SOCS4: variants seen among roughly 807,000 people sequenced by gnomAD.
SOCS4 encodes the protein SH2 domain containing SOCS box protein.
Under a neutral mutation model 34.1 loss-of-function variants are expected in SOCS4, and 20 were observed. The observed-to-expected ratio is 0.59, with a 90% confidence interval of 0.41 to 0.85. The LOEUF (loss-of-function observed/expected upper bound fraction) is 0.85, where lower values mean the gene tolerates loss of function less well. SOCS4 is among the 40% of genes least tolerant of loss of function. The pLI, the probability that SOCS4 is intolerant of heterozygous loss-of-function variation, is 0.00. For missense variants in SOCS4, 479 were observed against 532.4 expected (o/e 0.90, Z 0.99); for synonymous variants, 180 against 186.4 (o/e 0.97, Z 0.28).
intron 1 of SOCS4, among the ~76,000 whole-genome samples, chr14:55,029,324 A>G (rs1180807676): frequency 2.0e-5 from 3 of 152,206 alleles, no homozygotes; most frequent in African/African-American, 7.2e-5. Context: ...AAAATTTTCC[A>G]AATGTAGTTA....
At chr14:55,038,247 A>G (rs558343783) in intron 2 of SOCS4, among the ~76,000 whole-genome samples, 1 of 152,316 alleles carries the variant, frequency 6.6e-6, no homozygotes, top group East Asian at 1.9e-4. Context: ...CCCTTGACAC[A>G]TAGGGATTAT....
rs1455662656 is a variant in SOCS4 at position 55,046,174 on chromosome 14, ATTTACCT to A, written c.*1816_*1822del. On this transcript the variant is annotated 3_prime_UTR_variant, in exon 3 of 3. Transcript: ENST00000555846. ...GATAAATATCTCTTCTAAAGACGAT[ATTTACCT>A]TTTACAAGGTTAGAAAAGTCTCATA... 1.2e-5 allele frequency: 2 copies of A among 166,808 alleles called. No homozygotes were observed. Among genetic ancestry groups the A allele is most frequent in the Non-Finnish European group, 2.9e-5 (2 of 67,992 alleles). The allele number at this position is 166,808 out of a possible 1,614,324, so 10.3% of individuals were successfully genotyped here.
intron 2 of SOCS4, among the ~76,000 whole-genome samples, chr14:55,035,039 T>G (rs2042560545): frequency 6.6e-6 from 1 of 152,010 alleles, no homozygotes; most frequent in Non-Finnish European, 1.5e-5. Flanking sequence ...TTTTGTGTTT[T>G]TAGTAGAGAG....
At chr14:55,034,418 A>T (rs1202669367) in intron 2 of SOCS4, among the ~76,000 whole-genome samples, 1 of 152,256 alleles carries the variant, frequency 6.6e-6, no homozygotes, top group Non-Finnish European at 1.5e-5. Flanking sequence ...GGGGCAAAAG[A>T]TAACATTTTA....
At chr14:55,027,707 A>T (rs1300560602) in intron 1 of SOCS4, 2 of 152,192 alleles carry the variant, frequency 1.3e-5, no homozygotes, top group African/African-American at 4.8e-5. Flanking sequence ...CTGTAGAGAT[A>T]AAGAAGGAAT....
At position 55,048,106 on chromosome 14, in the gene SOCS4, CGAT is replaced by C. The variant is rs1245976383; in HGVS notation, c.*3744_*3746del. The C allele has an allele frequency of 6.1e-6, 1 of 164,148 alleles. No homozygotes were observed. The highest frequency in any genetic ancestry group is 1.5e-5 in the Non-Finnish European group (1 of 68,098). The allele number at this position is 164,148 out of a possible 1,614,324, so 10.2% of individuals were successfully genotyped here. Reference sequence around the variant, plus strand: ...CAGCTAATTTTTGTATTTTTAGTAGCGATGGTGTTTCACTACATTGGCCAGGCT... The same window carrying C: ...CAGCTAATTTTTGTATTTTTAGTAGCGGTGTTTCACTACATTGGCCAGGCT... On this transcript the variant is annotated 3_prime_UTR_variant, in exon 3 of 3. Coordinates refer to ENST00000555846, the MANE Select transcript of SOCS4 (RefSeq NM_199421.2).
chr14:55,032,195 G>A (rs963695326), intron 2 of SOCS4, among the ~76,000 whole-genome samples: 2 of 152,114 alleles, frequency 1.3e-5, no homozygotes, highest in African/African-American at 2.4e-5. Context: ...AATAATTAAC[G>A]TATGCAATAA....
At chr14:55,028,315 T>A (rs574741769) in intron 1 of SOCS4, among the ~76,000 whole-genome samples, 1 of 152,154 alleles carries the variant, frequency 6.6e-6, no homozygotes, top group Non-Finnish European at 1.5e-5. Flanking sequence ...AGAGGAAGAA[T>A]GATTGGCTTA....
At chr14:55,030,765 C>A (rs2042521564) in intron 1 of SOCS4, among the ~76,000 whole-genome samples, 2 of 152,148 alleles carry the variant, frequency 1.3e-5, no homozygotes, top group Middle Eastern at 3.4e-3. Context: ...AGGTAACATA[C>A]CTAGTGAGTG....
chr14:55,039,755 G>C (rs2042602076), intron 2 of SOCS4, among the ~76,000 whole-genome samples: 1 of 152,182 alleles, frequency 6.6e-6, no homozygotes, highest in Non-Finnish European at 1.5e-5. Context: ...AATTATCCGG[G>C]CATGGTGGTG....
rs1185135632 is a variant in SOCS4, at chr14:55,031,979, C to T, written c.-103C>T. On this transcript the variant is annotated 5_prime_UTR_variant, in exon 2 of 3. Coordinates refer to ENST00000555846, the MANE Select transcript of SOCS4 (RefSeq NM_199421.2). ...AGAATGCTTTCAAGGAGTTTTTGGGCACATGATGGCAGGTAAACTTTGGAA... is the reference window on the plus strand; with the variant it reads ...AGAATGCTTTCAAGGAGTTTTTGGGTACATGATGGCAGGTAAACTTTGGAA... The T allele has an allele frequency of 6.6e-6, 1 of 152,122 alleles. No individual in the cohort carries two copies. The highest frequency in any genetic ancestry group is 1.5e-5 in the Non-Finnish European group (1 of 68,028). The allele number at this position is 152,122 out of a possible 1,614,324, so 9.4% of individuals were successfully genotyped here. A position where few individuals can be genotyped will look rare whatever the true frequency, so the allele number is the denominator to read the frequency against.
rs767163578 is a variant in SOCS4 at position 55,043,687 on chromosome 14, A to T, written c.646A>T (p.Asn216Tyr). The change falls in exon 3 of 3, where the codon AAC becomes TAC. Residue 216 changes from asparagine (N) to tyrosine (Y), a missense_variant. Asn to Tyr is a moderately radical substitution (Grantham distance 143, BLOSUM62 -2). Transcript: ENST00000555846. ...AGGTCCTATGACTGGCTCTGTGATG[A>T]ACCTGGTTTCAAATAACAGTATAGA... ...REGPMTGSVM[N>Y]LVSNNSIEDS... 3.8e-5 allele frequency: 62 copies of T among 1,614,066 alleles called. No individual in the cohort carries two copies. In the South Asian group the frequency reaches 6.4e-4, roughly 17 times the overall value.
At chr14:55,042,913 G>A in intron 2 of SOCS4, 39 bp from the exon 3 acceptor site, 1 of 778,300 alleles carries the variant, frequency 1.3e-6, no homozygotes, top group Non-Finnish European at 2.0e-6. Context: ...AGACAAGGTA[G>A]ATGACAAATG....
At chr14:55,038,601 G>A (rs575409211) in intron 2 of SOCS4, among the ~76,000 whole-genome samples, 25 of 152,278 alleles carry the variant, frequency 1.6e-4, no homozygotes, top group African/African-American at 5.8e-4. Flanking sequence ...CTTTGTTTCT[G>A]TTTTTTAGGC....
chr14:55,036,688 C>T (rs950777277), intron 2 of SOCS4, among the ~76,000 whole-genome samples: 3 of 152,138 alleles, frequency 2.0e-5, no homozygotes, highest in East Asian at 1.9e-4. Context: ...TAATTTCTCC[C>T]GTCCATTTTG....
chr14:55,034,695 G>A (rs1329690148), intron 2 of SOCS4, among the ~76,000 whole-genome samples: 3 of 151,858 alleles, frequency 2.0e-5, no homozygotes, highest in Admixed American at 6.6e-5. Context: ...AATTAGCCAG[G>A]CGCGGTGGCA....
intron 2 of SOCS4, among the ~76,000 whole-genome samples, chr14:55,032,581 G>C (rs549617363): frequency 2.0e-5 from 3 of 151,816 alleles, no homozygotes; most frequent in Admixed American, 2.0e-4. Context: ...ATGTAACATA[G>C]CTGCCTTCGT....
intron 2 of SOCS4, among the ~76,000 whole-genome samples, chr14:55,032,548 G>A (rs1202396249): frequency 2.6e-5 from 4 of 151,910 alleles, no homozygotes; most frequent in African/African-American, 9.7e-5. Context: ...AAAAAAAGAT[G>A]TCATTCTGTA....
At chr14:55,038,134 G>GGAAC (rs1226482022) in intron 2 of SOCS4, among the ~76,000 whole-genome samples, 1 of 152,122 alleles carries the variant, frequency 6.6e-6, no homozygotes, top group Non-Finnish European at 1.5e-5. Context: ...CTTGTGCAGG[G>GGAAC]GAACTCCCAT....
Sources: allele counts gnomAD v4.1 joint callset (sites outside exome capture counted in the v4.1 genomes callset), GRCh38; gene constraint gnomAD v4.1.1; transcripts MANE v1.5; gene names NCBI Gene and HGNC (gene_info 2026-07-23, HGNC 2026-07-21).